The following ADAM12 variants were observed in gnomAD, a reference collection of about 807,000 sequenced individuals.
ADAM12 encodes ADAM metallopeptidase domain 12, also known as disintegrin and metalloproteinase domain-containing protein 12.
A neutral mutation model predicts 106.4 loss-of-function variants in ADAM12; 70 were observed. The ratio of observed to expected loss-of-function variants is 0.66; its 90% CI spans 0.54 to 0.80. The LOEUF is 0.80. Ranked by LOEUF, ADAM12 falls within the 30% of genes least tolerant of loss-of-function variation. ADAM12 has a pLI of 0.00. For missense variants in ADAM12, 1,010 were observed against 1,171.9 expected, an observed-to-expected ratio of 0.86 and a Z score of 2.02; for synonymous variants, 420 against 433.5, an observed-to-expected ratio of 0.97 and a Z score of 0.39.
At chr10:126,262,207 A>T (rs1040877055) in intron 3 of ADAM12, among the ~76,000 whole-genome samples, 1 of 152,160 alleles carries the variant, frequency 6.6e-6, no homozygotes, top group Non-Finnish European at 1.5e-5. Flanking sequence ...ACATATATTT[A>T]TGTATCTTCA....
At chr10:126,290,901 A>G (rs1960121046) in intron 2 of ADAM12, among the ~76,000 whole-genome samples, 1 of 152,240 alleles carries the variant, frequency 6.6e-6, no homozygotes, top group Admixed American at 6.5e-5. Flanking sequence ...AAGATGCAGC[A>G]CAAAATATGT....
At chr10:126,229,488 T>C (rs1320477373) in intron 3 of ADAM12, among the ~76,000 whole-genome samples, 6 of 152,172 alleles carry the variant, frequency 3.9e-5, no homozygotes, top group Admixed American at 3.3e-4. Flanking sequence ...ATATATTAAC[T>C]TGAGAAAATT....
At chr10:126,235,347 A>G (rs1181997526) in intron 3 of ADAM12, among the ~76,000 whole-genome samples, 3 of 152,320 alleles carry the variant, frequency 2.0e-5, no homozygotes, top group African/African-American at 4.8e-5. Context: ...GCAGCAACAC[A>G]ACAAAAGCAC....
chr10:126,037,410 T>G (rs536891801), intron 20 of ADAM12, among the ~76,000 whole-genome samples: 40 of 152,236 alleles, frequency 2.6e-4, no homozygotes, highest in African/African-American at 9.4e-4. Context: ...GGGTAAAGCT[T>G]ATTGGGAATG....
At chr10:126,296,407 T>C (rs905903058) in intron 2 of ADAM12, among the ~76,000 whole-genome samples, 2 of 152,178 alleles carry the variant, frequency 1.3e-5, no homozygotes, top group African/African-American at 4.8e-5. Flanking sequence ...AGCACTAGGA[T>C]TACAGGTGTG....
At chr10:126,385,403 CAA>C (rs1856628181) in intron 1 of ADAM12, among the ~76,000 whole-genome samples, 1 of 152,164 alleles carries the variant, frequency 6.6e-6, no homozygotes, top group East Asian at 1.9e-4. Context: ...CATTAGCATA[CAA>C]AAGACACTCT....
intron 2 of ADAM12, among the ~76,000 whole-genome samples, chr10:126,325,252 G>C (rs558632028): frequency 7.9e-5 from 12 of 152,356 alleles, no homozygotes; most frequent in Admixed American, 7.2e-4. Context: ...GTGTGTGCTG[G>C]CTTTGGAAAT....
intron 2 of ADAM12, among the ~76,000 whole-genome samples, chr10:126,323,436 T>C (rs1854177958): frequency 6.6e-6 from 1 of 152,202 alleles, no homozygotes; most frequent in South Asian, 2.1e-4. Flanking sequence ...TTCTATCAGC[T>C]AGACGCAGCC....
At chr10:126,129,673 C>T (rs7073557) in intron 5 of ADAM12, among the ~76,000 whole-genome samples, 6,289 of 152,230 alleles carry the variant, frequency 0.041, 258 homozygotes, top group East Asian at 0.1. Flanking sequence ...AGTTGCGCAT[C>T]GATGGGAGAC....
intron 22 of ADAM12, among the ~76,000 whole-genome samples, chr10:126,018,742 G>A (rs1369180980): frequency 6.6e-6 from 1 of 152,086 alleles, no homozygotes; most frequent in Non-Finnish European, 1.5e-5. Flanking sequence ...AGCATAAGTT[G>A]GGATTGAGGT....
intron 3 of ADAM12, among the ~76,000 whole-genome samples, chr10:126,189,973 CTT>C (rs1435087792): frequency 6.6e-6 from 1 of 152,136 alleles, no homozygotes; most frequent in African/African-American, 2.4e-5. Context: ...ACGTTTGTCT[CTT>C]TTCAGAAGAT....
chr10:126,376,145 C>T (rs1456128774), intron 1 of ADAM12, among the ~76,000 whole-genome samples: 1 of 152,020 alleles, frequency 6.6e-6, no homozygotes, highest in African/African-American at 2.4e-5. Flanking sequence ...AAAAACAAAA[C>T]TTACCCTTTC....
At chr10:126,075,900 G>A (rs1275599971) in intron 11 of ADAM12, among the ~76,000 whole-genome samples, 1 of 152,202 alleles carries the variant, frequency 6.6e-6, no homozygotes, top group Non-Finnish European at 1.5e-5. Context: ...GCCAGGCACT[G>A]GGAATGACTG....
At chr10:126,376,008 A>C (rs1240113288) in intron 1 of ADAM12, among the ~76,000 whole-genome samples, 4 of 144,682 alleles carry the variant, frequency 2.8e-5, no homozygotes, top group Non-Finnish European at 6.0e-5. Flanking sequence ...CCAGCCTCTC[A>C]AAGTGCTGAG....
At chr10:126,230,658 A>C (rs1386901407) in intron 3 of ADAM12, among the ~76,000 whole-genome samples, 1 of 152,232 alleles carries the variant, frequency 6.6e-6, no homozygotes, top group Non-Finnish European at 1.5e-5. Flanking sequence ...ATGTTTTCCC[A>C]CATATTCATT....
chr10:126,383,285 T>C (rs1856553961), intron 1 of ADAM12, among the ~76,000 whole-genome samples: 1 of 151,838 alleles, frequency 6.6e-6, no homozygotes, highest in South Asian at 2.1e-4. Flanking sequence ...AATAGAAGGG[T>C]TGGGAAATGA....
chr10:126,103,934 G>A (rs1321906208), intron 8 of ADAM12, among the ~76,000 whole-genome samples: 1 of 152,198 alleles, frequency 6.6e-6, no homozygotes, highest in African/African-American at 2.4e-5. Flanking sequence ...AGGGGCTTAA[G>A]GCATGGCACA....
At chr10:126,277,330 A>G (rs1305735685) in intron 3 of ADAM12, among the ~76,000 whole-genome samples, 1 of 152,152 alleles carries the variant, frequency 6.6e-6, no homozygotes, top group Non-Finnish European at 1.5e-5. Flanking sequence ...AATGCTCCAT[A>G]AAACATTCAG....
At chr10:126,128,594 G>T (rs566690240) in intron 5 of ADAM12, among the ~76,000 whole-genome samples, 1 of 151,200 alleles carries the variant, frequency 6.6e-6, no homozygotes. Flanking sequence ...TGTGGTGCGC[G>T]TGTGGGAATG....
Sources: allele counts gnomAD v4.1 joint callset (sites outside exome capture counted in the v4.1 genomes callset), GRCh38; gene constraint gnomAD v4.1.1; transcripts MANE v1.5; gene names NCBI Gene and HGNC (gene_info 2026-07-23, HGNC 2026-07-21).